The following KLHDC2 variants were observed in gnomAD, a reference collection of about 807,000 sequenced individuals.
The protein encoded by KLHDC2 is kelch domain containing 2, also known as kelch domain-containing protein 2.
KLHDC2 carries 38 observed loss-of-function variants against 62.3 expected under a neutral mutation model. That is an observed-to-expected ratio of 0.61 (90% CI 0.47 to 0.80). KLHDC2 has a LOEUF of 0.80. Ranked by LOEUF, KLHDC2 falls within the 30% of genes least tolerant of loss-of-function variation. The pLI, the probability that KLHDC2 is intolerant of heterozygous loss-of-function variation, is 0.00. For missense variants in KLHDC2, 430 were observed against 495.3 expected (o/e 0.87, Z 1.25); for synonymous variants, 159 against 161.0 (o/e 0.99, Z 0.09).
intron 2 of KLHDC2, among the ~76,000 whole-genome samples, chr14:49,772,738 C>T (rs568269913): frequency 2.0e-5 from 3 of 151,730 alleles, no homozygotes; most frequent in African/African-American, 4.8e-5. Flanking sequence ...AGGCAGCTCA[C>T]CTTAGGTGAG....
rs1889994959 is a variant in KLHDC2, at chr14:49,783,206, TC to T, written c.*254del. ...ACCCTGAAGAATGGTTGCTACATTT[TC>T]TTTTCAGTAACTTCAGGATATGTAT... On this transcript the variant is annotated 3_prime_UTR_variant, in exon 13 of 13. Coordinates refer to ENST00000298307, the MANE Select transcript of KLHDC2 (RefSeq NM_014315.3). The T allele has an allele frequency of 9.8e-6, 3 of 306,474 alleles. No homozygotes were observed. The South Asian group carries it at 3.0e-4, about 31-fold the overall frequency. The allele number at this position is 306,474 out of a possible 1,614,324, so 19.0% of individuals were successfully genotyped here.
chr14:49,785,084 T>A lies in KLHDC2; in HGVS notation c.*2131T>A. 1 of 1,606,826 alleles carries A rather than the reference T, an allele frequency of 6.2e-7. No individual in the cohort carries two copies. The highest frequency in any genetic ancestry group is 2.2e-5 in the East Asian group (1 of 44,818). On this transcript the variant is annotated 3_prime_UTR_variant, in exon 13 of 13. Transcript: ENST00000298307. ...AAAATCATAATTCAAAAAAACAAATTTAAATACCTTTTCCCTTTTTCTGCA... is the reference window on the plus strand; with the variant it reads ...AAAATCATAATTCAAAAAAACAAATATAAATACCTTTTCCCTTTTTCTGCA...
rs1374995899 is a variant in KLHDC2, at chr14:49,769,903, T to C, written c.153+1282T>C. Among the ~76,000 whole-genome samples, 3 of 143,616 alleles carry C rather than the reference T, an allele frequency of 2.1e-5. No individual in the cohort carries two copies. The East Asian group carries it at 6.1e-4, about 29-fold the overall frequency. 94.2% of individuals were successfully genotyped at this position (143,616 alleles called of 152,430 possible). A position where few individuals can be genotyped will look rare whatever the true frequency, so the allele number is the denominator to read the frequency against. ...TTTGCAGTGAGCTGAGACGGCGCCA[T>C]TGCACTCCAGCCTGGGCAACAAGAA... On this transcript the variant is annotated intron_variant, in intron 1 of 12. Coordinates refer to ENST00000298307, the MANE Select transcript of KLHDC2 (RefSeq NM_014315.3).
chr14:49,776,999 T>A (rs1005800235), intron 3 of KLHDC2, among the ~76,000 whole-genome samples: 1 of 151,734 alleles, frequency 6.6e-6, no homozygotes, highest in Non-Finnish European at 1.5e-5. Flanking sequence ...CCAGACCAAA[T>A]GCCCACCAAT....
At position 49,783,069 on chromosome 14, in the gene KLHDC2, A is replaced by C; in HGVS notation, c.*116A>C. On this transcript the variant is annotated 3_prime_UTR_variant, in exon 13 of 13. Transcript: ENST00000298307. The stretch of plus-strand genomic sequence containing the variant: ...GTTGTAGTTTGCACCTGTTGGTTTT[A>C]ATGTGCATGTGAATGGCCTAGAGAA... 1.8e-6 allele frequency: 2 copies of C among 1,088,728 alleles called. No homozygotes were observed. The highest frequency in any genetic ancestry group is 5.1e-5 in the Admixed American group (2 of 39,238). The allele number at this position is 1,088,728 out of a possible 1,614,324, so 67.4% of individuals were successfully genotyped here.
chr14:49,784,712 T>C lies in KLHDC2; in HGVS notation c.*1759T>C. On this transcript the variant is annotated 3_prime_UTR_variant, in exon 13 of 13. Coordinates refer to ENST00000298307, the MANE Select transcript of KLHDC2 (RefSeq NM_014315.3). ...AGGAATGTTTCTTGATAAATCTGTG[T>C]CCTAAAAAAAGAAAATTGCTGAATA... 1 of 1,612,016 alleles carries C rather than the reference T, an allele frequency of 6.2e-7. No homozygotes were observed. Among genetic ancestry groups the C allele is most frequent in the South Asian group, 1.1e-5 (1 of 90,686 alleles).
In KLHDC2 at chr14:49,784,432, A is replaced by ACTT; in HGVS notation, c.*1480_*1482dup. ...AATTAGCATTTAACTGTCCACAAATACTTTTGGAAATCCTATCATAGACAG... is the reference window on the plus strand; with the variant it reads ...AATTAGCATTTAACTGTCCACAAATACTTCTTTTGGAAATCCTATCATAGACAG... On this transcript the variant is annotated 3_prime_UTR_variant, in exon 13 of 13. Transcript: ENST00000298307. 1 of 471,148 alleles carries ACTT rather than the reference A, an allele frequency of 2.1e-6. No individual in the cohort carries two copies. Among genetic ancestry groups the ACTT allele is most frequent in the Non-Finnish European group, 3.8e-6 (1 of 266,050 alleles). The allele number at this position is 471,148 out of a possible 1,614,324, so 29.2% of individuals were successfully genotyped here.
chr14:49,775,002 C>T (rs1889741736), intron 3 of KLHDC2: 3 of 267,014 alleles, frequency 1.1e-5, no homozygotes, highest in Non-Finnish European at 2.1e-5. Flanking sequence ...AAAATGAAGA[C>T]AAGATGTAAT....
In KLHDC2 at chr14:49,784,951, C is replaced by G; in HGVS notation, c.*1998C>G. On this transcript the variant is annotated 3_prime_UTR_variant, in exon 13 of 13. Transcript: ENST00000298307. ...TTTACGCTGCGGAATAAGTCTTTTT[C>G]TCTTGCTGTTGCTTCTTTGGAATGC... 6.2e-7 allele frequency: 1 copy of G among 1,613,828 alleles called. No homozygotes were observed. The highest frequency in any genetic ancestry group is 8.5e-7 in the Non-Finnish European group (1 of 1,179,850).
Position 49,784,775 on chromosome 14 carries a change from G to C in KLHDC2, c.*1822G>C. 1 of 1,499,926 alleles carries C rather than the reference G, an allele frequency of 6.7e-7. No individual in the cohort carries two copies. Among genetic ancestry groups the C allele is most frequent in the South Asian group, 1.2e-5 (1 of 84,554 alleles). The allele number at this position is 1,499,926 out of a possible 1,614,324, so 92.9% of individuals were successfully genotyped here. On this transcript the variant is annotated 3_prime_UTR_variant, in exon 13 of 13. Transcript: ENST00000298307. The stretch of plus-strand genomic sequence containing the variant: ...GTATGGTCAATCATGTTTCTTTTAT[G>C]ACAAAAACGAAAAACATTTCCAAAC...
chr14:49,774,082 C>T (rs112247561), intron 2 of KLHDC2, among the ~76,000 whole-genome samples: 1 of 152,184 alleles, frequency 6.6e-6, no homozygotes, highest in African/African-American at 2.4e-5. Context: ...TGGCACATGG[C>T]ACTACCTGTT....
At position 49,768,251 on chromosome 14, in the gene KLHDC2, C is replaced by T. The variant is rs1594696087; in HGVS notation, c.-218C>T. The stretch of plus-strand genomic sequence containing the variant: ...GCCGCCGCCCGGCTCCGCTCGCGGC[C>T]CCTCTGTCTGCAGGCGTGCCCCGGC... On this transcript the variant is annotated 5_prime_UTR_variant, in exon 1 of 13. Coordinates refer to ENST00000298307, the MANE Select transcript of KLHDC2 (RefSeq NM_014315.3). 9.4e-6 allele frequency: 4 copies of T among 427,616 alleles called. No homozygotes were observed. Among genetic ancestry groups the T allele is most frequent in the Non-Finnish European group, 1.6e-5 (4 of 247,722 alleles). 26.5% of individuals were successfully genotyped at this position (427,616 alleles called of 1,614,324 possible). A position where few individuals can be genotyped will look rare whatever the true frequency, so the allele number is the denominator to read the frequency against.
At chr14:49,780,799 T>G (rs770291685) in intron 10 of KLHDC2, 24 bp downstream of exon 10, 4 of 1,176,418 alleles carry the variant, frequency 3.4e-6, no homozygotes, top group Non-Finnish European at 5.1e-6. Flanking sequence ...ATTCATATAC[T>G]GAATATGCAT....
At chr14:49,768,700 G>C (rs1231282227) in intron 1 of KLHDC2, 79 bp downstream of exon 1, 1 of 1,362,010 alleles carries the variant, frequency 7.3e-7, no homozygotes, top group African/African-American at 1.5e-5. Flanking sequence ...GGGGAGGCCA[G>C]AGCGGGCCGC....
intron 3 of KLHDC2, 174 bp from the exon 4 acceptor site, chr14:49,777,665 T>G: frequency 2.2e-6 from 1 of 456,048 alleles, no homozygotes; most frequent in South Asian, 4.7e-5. Flanking sequence ...GAAGTTGGTA[T>G]TCAGTCACAG....
intron 6 of KLHDC2, 152 bp downstream of exon 6, chr14:49,778,646 T>C (rs1334249362): frequency 7.0e-6 from 4 of 572,290 alleles, no homozygotes; most frequent in Non-Finnish European, 1.2e-5. Context: ...ACTTTAATGA[T>C]TTCCAAGGAC....
intron 1 of KLHDC2, 87 bp downstream of exon 1, chr14:49,768,708 C>A (rs1889596740): frequency 7.9e-7 from 1 of 1,273,742 alleles, no homozygotes; most frequent in African/African-American, 1.6e-5. Context: ...CAGAGCGGGC[C>A]GCCGAGGGCG....
At chr14:49,782,698 C>T in intron 12 of KLHDC2, 104 bp downstream of exon 12, 1 of 1,354,860 alleles carries the variant, frequency 7.4e-7, no homozygotes, top group South Asian at 1.4e-5. Context: ...GGCAATAAAA[C>T]TTCATTGCTA....
Position 49,784,040 on chromosome 14 carries a change from T to C in KLHDC2, c.*1087T>C, listed in dbSNP as rs1890042368. The C allele has an allele frequency of 6.6e-6, 1 of 151,940 alleles. No individual in the cohort carries two copies. The highest frequency in any genetic ancestry group is 1.5e-5 in the Non-Finnish European group (1 of 67,942). The allele number at this position is 151,940 out of a possible 1,614,324, so 9.4% of individuals were successfully genotyped here. ...TCAAGCCACTTCACTGTTCAGTTTC[T>C]TTACATCATGAAATGAATACTTGGT... On this transcript the variant is annotated 3_prime_UTR_variant, in exon 13 of 13. Transcript: ENST00000298307.
Sources: gnomAD v4.1 joint callset for allele counts (sites outside exome capture counted in the v4.1 genomes callset) on GRCh38, gnomAD v4.1.1 for gene constraint, MANE v1.5 for transcripts, NCBI Gene and HGNC (gene_info 2026-07-23, HGNC 2026-07-21) for gene names.